SLCO5A1: variants seen among roughly 807,000 people sequenced by gnomAD.
SLCO5A1 encodes solute carrier organic anion transporter family member 5A1.
A neutral mutation model predicts 65.1 loss-of-function variants in SLCO5A1; 39 were observed. The observed-to-expected ratio is 0.60, with a 90% CI of 0.46 to 0.78. The LOEUF (loss-of-function observed/expected upper bound fraction) is 0.78. Ranked by LOEUF, SLCO5A1 falls within the 30% of genes least tolerant of loss-of-function variation. The probability of loss-of-function intolerance (pLI) is 0.00; values close to 1 mark genes in which losing one functional copy is unlikely to be tolerated. For synonymous variants in SLCO5A1, 438 were observed against 415.7 expected (o/e 1.05, Z -0.65); for missense variants, 1,029 against 1,069.4 (o/e 0.96, Z 0.53).
intron 2 of SLCO5A1, among the ~76,000 whole-genome samples, chr8:69,763,317 A>T (rs1254063542): frequency 6.6e-6 from 1 of 151,660 alleles, no homozygotes; most frequent in Non-Finnish European, 1.5e-5. Context: ...TCTCAGAAAA[A>T]AAAAAAAGAA....
chr8:69,816,516 G>T (rs376842766), intron 2 of SLCO5A1, among the ~76,000 whole-genome samples: 1 of 151,996 alleles, frequency 6.6e-6, no homozygotes, highest in African/African-American at 2.4e-5. Flanking sequence ...CAGGAAACAG[G>T]GTGCAAGCAC....
At chr8:69,773,697 T>C (rs973122912) in intron 2 of SLCO5A1, among the ~76,000 whole-genome samples, 2 of 152,240 alleles carry the variant, frequency 1.3e-5, no homozygotes, top group Admixed American at 6.5e-5. Context: ...CATTTTCCTT[T>C]GGGGGTCACC....
chr8:69,716,819 A>T (rs1423943443), intron 5 of SLCO5A1, among the ~76,000 whole-genome samples: 6 of 147,052 alleles, frequency 4.1e-5, no homozygotes, highest in African/African-American at 1.5e-4. Flanking sequence ...TTGCTCTGTC[A>T]CCCAGGCTGG....
At chr8:69,789,321 T>C (rs372531301) in intron 2 of SLCO5A1, among the ~76,000 whole-genome samples, 2 of 152,246 alleles carry the variant, frequency 1.3e-5, no homozygotes, top group East Asian at 3.8e-4. Flanking sequence ...GTAATAGTGC[T>C]GGATGTGTGA....
chr8:69,755,885 C>T (rs549488530), intron 3 of SLCO5A1, among the ~76,000 whole-genome samples: 9 of 152,278 alleles, frequency 5.9e-5, no homozygotes, highest in East Asian at 3.9e-4. Flanking sequence ...CAACCTGATT[C>T]GAATTTCATT....
At chr8:69,827,470 T>C (rs1820973264) in intron 2 of SLCO5A1, among the ~76,000 whole-genome samples, 1 of 152,198 alleles carries the variant, frequency 6.6e-6, no homozygotes, top group Admixed American at 6.5e-5. Context: ...ACCACATCTC[T>C]TCTACAGTTA....
chr8:69,708,757 A>C (rs1815085327), intron 5 of SLCO5A1, among the ~76,000 whole-genome samples: 1 of 152,052 alleles, frequency 6.6e-6, no homozygotes. Context: ...CACAAAAATC[A>C]GTAGGGCTTG....
chr8:69,717,450 G>A (rs1815604825), intron 5 of SLCO5A1, among the ~76,000 whole-genome samples: 1 of 152,160 alleles, frequency 6.6e-6, no homozygotes, highest in African/African-American at 2.4e-5. Flanking sequence ...CTATTTTACT[G>A]ATGTTTTTGT....
chr8:69,815,415 GT>G (rs972658844), intron 2 of SLCO5A1, among the ~76,000 whole-genome samples: 5 of 151,878 alleles, frequency 3.3e-5, no homozygotes, highest in African/African-American at 9.7e-5. Flanking sequence ...CAGTTGTTGG[GT>G]TTTTTTGTCC....
intron 6 of SLCO5A1, among the ~76,000 whole-genome samples, chr8:69,699,681 T>C (rs894999364): frequency 1.3e-5 from 2 of 152,156 alleles, no homozygotes; most frequent in African/African-American, 2.4e-5. Context: ...AACAGAAAGT[T>C]AGGCACTTAT....
chr8:69,790,591 G>T (rs1418650258), intron 2 of SLCO5A1, among the ~76,000 whole-genome samples: 1 of 152,086 alleles, frequency 6.6e-6, no homozygotes, highest in Non-Finnish European at 1.5e-5. Context: ...AGTGAGCTAT[G>T]CTTGTGCCTG....
chr8:69,826,329 CA>C (rs1277995095), intron 2 of SLCO5A1, among the ~76,000 whole-genome samples: 2 of 151,884 alleles, frequency 1.3e-5, no homozygotes, highest in African/African-American at 4.8e-5. Flanking sequence ...AAACTACCAT[CA>C]GAGTGAACAG....
chr8:69,780,548 C>T (rs1025657491), intron 2 of SLCO5A1, among the ~76,000 whole-genome samples: 8 of 152,066 alleles, frequency 5.3e-5, no homozygotes, highest in African/African-American at 1.9e-4. Flanking sequence ...ACAAGCCAGA[C>T]ACAGAAAGAC....
At chr8:69,734,244 T>A (rs939718598) in intron 5 of SLCO5A1, among the ~76,000 whole-genome samples, 1 of 151,998 alleles carries the variant, frequency 6.6e-6, no homozygotes, top group African/African-American at 2.4e-5. Flanking sequence ...AGGGATAAAC[T>A]CTCCCCTCCA....
chr8:69,739,214 C>T (rs1816695209), intron 4 of SLCO5A1, among the ~76,000 whole-genome samples: 1 of 152,150 alleles, frequency 6.6e-6, no homozygotes, highest in African/African-American at 2.4e-5. Context: ...TTTATATGGT[C>T]AAATATATAC....
At chr8:69,701,330 T>C (rs184735633) in intron 6 of SLCO5A1, among the ~76,000 whole-genome samples, 59 of 152,340 alleles carry the variant, frequency 3.9e-4, no homozygotes, top group Middle Eastern at 6.8e-3. Context: ...CTCAATGGAC[T>C]TCCTTCTCAG....
At chr8:69,758,537 C>T (rs1346464304) in intron 3 of SLCO5A1, among the ~76,000 whole-genome samples, 1 of 152,036 alleles carries the variant, frequency 6.6e-6, no homozygotes, top group African/African-American at 2.4e-5. Flanking sequence ...CAGCCATTAA[C>T]TTAAGATTAT....
chr8:69,699,615 C>T (rs1253959208), intron 6 of SLCO5A1, among the ~76,000 whole-genome samples: 1 of 152,084 alleles, frequency 6.6e-6, no homozygotes, highest in Non-Finnish European at 1.5e-5. Context: ...CATGAGCAAG[C>T]TAAGGATCAC....
At chr8:69,737,184 C>G (rs1375330784) in intron 5 of SLCO5A1, among the ~76,000 whole-genome samples, 2 of 152,162 alleles carry the variant, frequency 1.3e-5, no homozygotes, top group African/African-American at 4.8e-5. Context: ...ATTTCTCTTT[C>G]TACAGTGATG....
Sources: gnomAD v4.1 joint callset for allele counts (sites outside exome capture counted in the v4.1 genomes callset) on GRCh38, gnomAD v4.1.1 for gene constraint, MANE v1.5 for transcripts, NCBI Gene and HGNC (gene_info 2026-07-23, HGNC 2026-07-21) for gene names.